Variants in GAB2 observed in about 807,000 individuals in gnomAD.
The protein encoded by GAB2 is GRB2 associated binding protein 2, also known as GRB2-associated-binding protein 2.
GAB2 carries 26 observed loss-of-function variants against 65.5 expected under a neutral mutation model. The observed-to-expected ratio is 0.40, with a 90% confidence interval of 0.29 to 0.55. The LOEUF is 0.55. Among genes scored for constraint, GAB2 ranks in the 20% least tolerant of loss-of-function variants. GAB2 has a pLI of 0.53. For synonymous variants in GAB2, 321 were observed against 329.6 expected, an observed-to-expected ratio of 0.97 and a Z score of 0.28; for missense variants, 884 against 875.8, an observed-to-expected ratio of 1.01 and a Z score of -0.12.
At chr11:78,244,663 T>TAAAAAAAAAA (rs36056237) in intron 3 of GAB2, among the ~76,000 whole-genome samples, 2 of 74,766 alleles carry the variant, frequency 2.7e-5, no homozygotes, top group African/African-American at 1.1e-4. Context: ...ACATTCATAG[T>TAAAAAAAAAA]AAAAAAAAAA....
chr11:78,310,734 C>T (rs1591026264), intron 1 of GAB2, among the ~76,000 whole-genome samples: 1 of 152,080 alleles, frequency 6.6e-6, no homozygotes, highest in East Asian at 1.9e-4. Flanking sequence ...CGTGTTCCAG[C>T]GCCACTGTCC....
At chr11:78,325,072 T>C in intron 1 of GAB2, among the ~76,000 whole-genome samples, 1 of 152,186 alleles carries the variant, frequency 6.6e-6, no homozygotes, top group Admixed American at 6.5e-5. Context: ...TGAGAACTTG[T>C]CATTAAATAT....
intron 1 of GAB2, among the ~76,000 whole-genome samples, chr11:78,312,962 G>T (rs1291345934): frequency 6.6e-6 from 1 of 151,848 alleles, no homozygotes; most frequent in African/African-American, 2.4e-5. Context: ...ATATGTGTTT[G>T]TGTGTGTGTG....
intron 1 of GAB2, among the ~76,000 whole-genome samples, chr11:78,390,712 G>A (rs560820102): frequency 2.6e-5 from 4 of 152,258 alleles, no homozygotes; most frequent in South Asian, 2.1e-4. Flanking sequence ...ACATCACTCC[G>A]AAAGACAGAA....
At chr11:78,314,549 TTAATA>T (rs1210835699) in intron 1 of GAB2, among the ~76,000 whole-genome samples, 1 of 152,212 alleles carries the variant, frequency 6.6e-6, no homozygotes, top group Non-Finnish European at 1.5e-5. Flanking sequence ...CTTTAGTATC[TTAATA>T]TAATGGAGAT....
chr11:78,233,353 T>C (rs959532135), intron 3 of GAB2, among the ~76,000 whole-genome samples: 1 of 152,204 alleles, frequency 6.6e-6, no homozygotes, highest in Non-Finnish European at 1.5e-5. Context: ...ATTTTTATTT[T>C]AGCCCTTCCA....
intron 1 of GAB2, among the ~76,000 whole-genome samples, chr11:78,293,638 C>A (rs1184693249): frequency 6.6e-6 from 1 of 152,172 alleles, no homozygotes; most frequent in East Asian, 1.9e-4. Context: ...ATCCTACATG[C>A]CACTGTGATC....
chr11:78,283,417 G>A (rs929304018), intron 1 of GAB2, among the ~76,000 whole-genome samples: 1 of 152,120 alleles, frequency 6.6e-6, no homozygotes, highest in Non-Finnish European at 1.5e-5. Context: ...AGACATCAAC[G>A]TTTCCTATCT....
intron 1 of GAB2, among the ~76,000 whole-genome samples, chr11:78,297,478 A>AGT (rs879754769): frequency 2.6e-5 from 4 of 152,020 alleles, no homozygotes; most frequent in Non-Finnish European, 4.4e-5. Flanking sequence ...GGTGTGAGGG[A>AGT]GTGTGTGTGT....
intron 1 of GAB2, among the ~76,000 whole-genome samples, chr11:78,322,918 G>C (rs1855753414): frequency 1.3e-5 from 2 of 151,986 alleles, no homozygotes; most frequent in South Asian, 4.2e-4. Flanking sequence ...TGGAGATTTT[G>C]CAAAGACTAA....
chr11:78,410,330 C>T (rs1039037373), intron 1 of GAB2, among the ~76,000 whole-genome samples: 1 of 152,090 alleles, frequency 6.6e-6, no homozygotes, highest in South Asian at 2.1e-4. Context: ...ATGGTGAAAC[C>T]CTGTCTCTAC....
intron 1 of GAB2, among the ~76,000 whole-genome samples, chr11:78,385,999 T>C (rs768208934): frequency 2.6e-5 from 4 of 152,198 alleles, no homozygotes; most frequent in East Asian, 1.9e-4. Context: ...TACGTATGTA[T>C]CTGGTTATTC....
intron 2 of GAB2, 92 bp downstream of exon 2, chr11:78,280,509 G>T: frequency 9.5e-7 from 1 of 1,049,846 alleles, no homozygotes; most frequent in Non-Finnish European, 1.4e-6. Flanking sequence ...CTTCCAACAG[G>T]AAACCTTAGC....
chr11:78,219,845 C>A (rs1436870659), intron 9 of GAB2, among the ~76,000 whole-genome samples: 1 of 152,184 alleles, frequency 6.6e-6, no homozygotes, highest in Non-Finnish European at 1.5e-5. Flanking sequence ...CATGCTGAGG[C>A]ACAGCTCTGC....
chr11:78,219,557 C>T, intron 9 of GAB2, 142 bp from the exon 10 acceptor site: 1 of 721,402 alleles, frequency 1.4e-6, no homozygotes. Flanking sequence ...GCCTCAGGAG[C>T]CTGGCTTCTC....
intron 1 of GAB2, among the ~76,000 whole-genome samples, chr11:78,362,823 G>T (rs1856451308): frequency 6.6e-6 from 1 of 152,054 alleles, no homozygotes; most frequent in Non-Finnish European, 1.5e-5. Context: ...GCTGCTGCAG[G>T]TATATGACTA....
intron 2 of GAB2, among the ~76,000 whole-genome samples, chr11:78,266,533 G>A (rs933820664): frequency 3.3e-5 from 5 of 152,176 alleles, no homozygotes; most frequent in African/African-American, 1.2e-4. Context: ...TGGCCAGATG[G>A]GGGCTTGATG....
intron 2 of GAB2, among the ~76,000 whole-genome samples, chr11:78,269,038 CT>C (rs111619816): frequency 0.2 from 30,281 of 148,616 alleles, 3,276 homozygotes; most frequent in East Asian, 0.4. Flanking sequence ...TTTTTTCTTT[CT>C]TTTTTTTTTA....
intron 1 of GAB2, chr11:78,341,694 T>C: frequency 1.1e-6 from 1 of 918,690 alleles, no homozygotes. Context: ...TGGTGACTCC[T>C]AAAGAACAAA....
Sources: allele counts gnomAD v4.1 joint callset (sites outside exome capture counted in the v4.1 genomes callset), GRCh38; gene constraint gnomAD v4.1.1; transcripts MANE v1.5; gene names NCBI Gene and HGNC (gene_info 2026-07-23, HGNC 2026-07-21).